MKLN1: variants seen among roughly 807,000 people sequenced by gnomAD.
The protein encoded by MKLN1 is muskelin.
In MKLN1, 18 loss-of-function variants were observed where a neutral mutation model predicts 99.0. The ratio of observed to expected loss-of-function variants is 0.18; its 90% CI spans 0.13 to 0.27. The LOEUF (loss-of-function observed/expected upper bound fraction) is 0.27. Among genes scored for constraint, MKLN1 ranks in the 10% least tolerant of loss-of-function variants. The pLI is 1.00. For missense variants in MKLN1, 621 were observed against 875.9 expected (o/e 0.71, Z 3.67); for synonymous variants, 288 against 293.2 (o/e 0.98, Z 0.18).
intron 3 of MKLN1, among the ~76,000 whole-genome samples, chr7:131,283,218 C>T (rs768545198): frequency 1.1e-4 from 17 of 152,104 alleles, no homozygotes; most frequent in Non-Finnish European, 1.8e-4. Context: ...CTCAGAGTTA[C>T]CTGTGGGATA....
chr7:131,114,712 G>A (rs1403617657), intron 1 of MKLN1, among the ~76,000 whole-genome samples: 1 of 152,076 alleles, frequency 6.6e-6, no homozygotes, highest in South Asian at 2.1e-4. Flanking sequence ...TTGGAAGGCC[G>A]AGGTGAGCGA....
chr7:131,461,983 A>C (rs1796528433), intron 12 of MKLN1, among the ~76,000 whole-genome samples: 1 of 152,168 alleles, frequency 6.6e-6, no homozygotes. Flanking sequence ...TGGGGAGTTT[A>C]AGCCACTCAA....
intron 1 of MKLN1, among the ~76,000 whole-genome samples, chr7:131,125,848 C>CAAAA (rs1017826284): frequency 2.7e-5 from 4 of 150,846 alleles, no homozygotes; most frequent in Non-Finnish European, 5.9e-5. Context: ...GTTAAAAATA[C>CAAAA]AAAAAAAATT....
intron 2 of MKLN1, among the ~76,000 whole-genome samples, chr7:131,192,870 C>T (rs1362534056): frequency 6.6e-6 from 1 of 151,986 alleles, no homozygotes; most frequent in Admixed American, 6.6e-5. Context: ...CAACATTTGT[C>T]CTATGTTTTT....
intron 3 of MKLN1, among the ~76,000 whole-genome samples, chr7:131,254,672 G>A (rs1052597648): frequency 6.6e-6 from 1 of 151,852 alleles, no homozygotes; most frequent in African/African-American, 2.4e-5. Context: ...ATTAATTAGA[G>A]GGGCCCAATA....
chr7:131,246,336 G>T (rs1418210775), intron 3 of MKLN1, among the ~76,000 whole-genome samples: 2 of 152,166 alleles, frequency 1.3e-5, no homozygotes, highest in African/African-American at 4.8e-5. Flanking sequence ...CCAGCCAGGG[G>T]TGTTAAAATG....
intron 3 of MKLN1, among the ~76,000 whole-genome samples, chr7:131,298,734 C>A (rs1798332044): frequency 6.6e-6 from 1 of 152,152 alleles, no homozygotes; most frequent in Non-Finnish European, 1.5e-5. Flanking sequence ...AGATTTGTTG[C>A]CCTCATGTTG....
At chr7:131,162,920 C>T (rs1381627020) in intron 2 of MKLN1, among the ~76,000 whole-genome samples, 2 of 152,150 alleles carry the variant, frequency 1.3e-5, no homozygotes, top group Non-Finnish European at 2.9e-5. Context: ...AATGTTAAAT[C>T]ACACATGTGG....
intron 2 of MKLN1, among the ~76,000 whole-genome samples, chr7:131,175,190 AG>A (rs1796278958): frequency 2.4e-5 from 1 of 41,874 alleles, no homozygotes; most frequent in South Asian, 1.3e-3. Flanking sequence ...ATAGACAGAT[AG>A]ATAGATAGAT....
chr7:131,217,463 T>C (rs1796999826), intron 3 of MKLN1, among the ~76,000 whole-genome samples: 1 of 152,214 alleles, frequency 6.6e-6, no homozygotes, highest in Admixed American at 6.5e-5. Context: ...TTTGGGAGGC[T>C]GAGGCAGGCA....
At chr7:131,200,629 T>C (rs1476278264) in intron 2 of MKLN1, among the ~76,000 whole-genome samples, 2 of 152,200 alleles carry the variant, frequency 1.3e-5, no homozygotes, top group Non-Finnish European at 2.9e-5. Flanking sequence ...TGGTAACCAT[T>C]ATATCAAAAT....
chr7:131,399,486 T>G (rs1022613963), intron 6 of MKLN1, 53 bp downstream of exon 6: 16 of 1,474,834 alleles, frequency 1.1e-5, no homozygotes. Context: ...ACGGGAAACT[T>G]TTTCTCAAAA....
chr7:131,391,161 T>C (rs1334257021), intron 4 of MKLN1, among the ~76,000 whole-genome samples: 1 of 152,194 alleles, frequency 6.6e-6, no homozygotes, highest in Non-Finnish European at 1.5e-5. Context: ...TCAAAAGTTA[T>C]TCCAGTAAAG....
intron 3 of MKLN1, among the ~76,000 whole-genome samples, chr7:131,295,264 C>G (rs1454232740): frequency 1.3e-5 from 2 of 152,140 alleles, no homozygotes; most frequent in African/African-American, 2.4e-5. Flanking sequence ...ACCTTGGTCT[C>G]TCAAAGTGCT....
At chr7:131,406,612 AT>A (rs1794716227) in intron 6 of MKLN1, among the ~76,000 whole-genome samples, 1 of 151,792 alleles carries the variant, frequency 6.6e-6, no homozygotes, top group Non-Finnish European at 1.5e-5. Context: ...CTTTAATCTT[AT>A]GTCTAGGATT....
At chr7:131,191,418 G>GA (rs1343864384) in intron 2 of MKLN1, among the ~76,000 whole-genome samples, 2 of 152,192 alleles carry the variant, frequency 1.3e-5, no homozygotes, top group Admixed American at 1.3e-4. Flanking sequence ...GTGTGTGAGT[G>GA]AAACACCAAT....
At chr7:131,238,585 G>C (rs1797358379) in intron 3 of MKLN1, among the ~76,000 whole-genome samples, 1 of 152,214 alleles carries the variant, frequency 6.6e-6, no homozygotes, top group South Asian at 2.1e-4. Context: ...GGGACTCTGA[G>C]GTTGCTGTCT....
In MKLN1 at chr7:131,141,069, C is replaced by T. The variant is rs562324556; in HGVS notation, c.-418-1751C>T. ...AAAGTGCTGGGATTACAGGTGTGAG[C>T]CACTGTACCTGGCCTACACCATCCT... On this transcript the variant is annotated intron_variant, in intron 1 of 7. Transcript: ENST00000416992. Among the ~76,000 whole-genome samples, 5 of 152,206 alleles carry T rather than the reference C, an allele frequency of 3.3e-5. No individual in the cohort carries two copies. In the South Asian group the frequency reaches 8.3e-4, roughly 25 times the overall value.
At chr7:131,186,505 CA>C (rs199971153) in intron 2 of MKLN1, among the ~76,000 whole-genome samples, 14 of 146,678 alleles carry the variant, frequency 9.5e-5, no homozygotes, top group Non-Finnish European at 9.1e-5. Context: ...GATCCTGTGT[CA>C]AAAAAAAAAA....
Sources: gnomAD v4.1 joint callset for allele counts (sites outside exome capture counted in the v4.1 genomes callset) on GRCh38, gnomAD v4.1.1 for gene constraint, MANE v1.5 for transcripts, NCBI Gene and HGNC (gene_info 2026-07-23, HGNC 2026-07-21) for gene names.